The following CDH18 variants were observed in gnomAD, a reference collection of about 807,000 sequenced individuals.
CDH18 encodes the protein cadherin 18.
CDH18 carries 31 observed loss-of-function variants against 67.9 expected under a neutral mutation model. That is an observed-to-expected ratio of 0.46 (90% CI 0.34 to 0.62). The LOEUF is 0.62. Among genes scored for constraint, CDH18 ranks in the 20% least tolerant of loss-of-function variants. The pLI is 0.01. For missense variants in CDH18, 890 were observed against 975.5 expected, an observed-to-expected ratio of 0.91 and a Z score of 1.17; for synonymous variants, 362 against 347.2, an observed-to-expected ratio of 1.04 and a Z score of -0.48.
At chr5:20,305,119 G>C in intron 1 of CDH18, 1 of 1,529,306 alleles carries the variant, frequency 6.5e-7, no homozygotes. Flanking sequence ...AGAACCAAAG[G>C]CTACCTTGGG....
chr5:20,042,890 A>T (rs1263460026), intron 2 of CDH18, among the ~76,000 whole-genome samples: 1 of 151,972 alleles, frequency 6.6e-6, no homozygotes, highest in African/African-American at 2.4e-5. Flanking sequence ...TGAACCCGGG[A>T]GGCAGAGCTT....
intron 2 of CDH18, among the ~76,000 whole-genome samples, chr5:20,119,271 T>C (rs558355111): frequency 4.4e-4 from 67 of 152,314 alleles, no homozygotes; most frequent in African/African-American, 1.5e-3. Context: ...GGTAAAAATA[T>C]GGCTTTCTAT....
intron 7 of CDH18, among the ~76,000 whole-genome samples, chr5:19,573,480 G>A (rs755782040): frequency 2.0e-5 from 3 of 152,154 alleles, no homozygotes; most frequent in South Asian, 2.1e-4. Context: ...CGGTTTCACC[G>A]TGTTAGCCAG....
In CDH18 at chr5:19,811,194, AGAAG is replaced by A. The variant is rs150881407; in HGVS notation, c.228+27561_228+27564del. 2.7e-3 allele frequency among the ~76,000 whole-genome samples: 342 copies of A among 127,590 alleles called. 4 individuals carry two copies. Among genetic ancestry groups the A allele is most frequent in the African/African-American group, 7.1e-3 (234 of 33,146 alleles). The allele number at this position is 127,590 out of a possible 152,430, so 83.7% of individuals were successfully genotyped here. A position where few individuals can be genotyped will look rare whatever the true frequency, so the allele number is the denominator to read the frequency against. Reference sequence around the variant, plus strand: ...AGAAAGAGAAGAAAGAGGGAGAGAAAGAAGGAAGGAAGGAAGGAAGGAAAGAAAA... The same window carrying A: ...AGAAAGAGAAGAAAGAGGGAGAGAAAGAAGGAAGGAAGGAAGGAAAGAAAA... On this transcript the variant is annotated intron_variant, in intron 3 of 12. Transcript: ENST00000382275.
intron 5 of CDH18, among the ~76,000 whole-genome samples, chr5:19,714,778 A>G (rs900543759): frequency 1.3e-5 from 2 of 152,080 alleles, no homozygotes; most frequent in African/African-American, 2.4e-5. Context: ...CATTGACGGA[A>G]ACAATATATA....
At chr5:19,680,048 G>A (rs1171066338) in intron 5 of CDH18, among the ~76,000 whole-genome samples, 1 of 151,866 alleles carries the variant, frequency 6.6e-6, no homozygotes, top group Non-Finnish European at 1.5e-5. Flanking sequence ...TATACTAAAA[G>A]GATAAAGTAA....
chr5:20,200,766 A>G (rs1455297158), intron 2 of CDH18, among the ~76,000 whole-genome samples: 5 of 152,126 alleles, frequency 3.3e-5, no homozygotes, highest in African/African-American at 1.2e-4. Context: ...CTTTTGTGAC[A>G]TATCATGAAG....
chr5:20,522,903 G>A (rs974635204), intron 1 of CDH18, among the ~76,000 whole-genome samples: 1 of 152,080 alleles, frequency 6.6e-6, no homozygotes, highest in East Asian at 1.9e-4. Flanking sequence ...ATTATTCTGT[G>A]GAATATGATT....
intron 6 of CDH18, among the ~76,000 whole-genome samples, chr5:19,603,566 T>C (rs974013151): frequency 1.3e-5 from 2 of 151,922 alleles, no homozygotes. Flanking sequence ...TGAGAACAAC[T>C]AGTAATTGAG....
At chr5:20,107,872 G>A (rs539486090) in intron 2 of CDH18, among the ~76,000 whole-genome samples, 2 of 150,570 alleles carry the variant, frequency 1.3e-5, no homozygotes, top group African/African-American at 4.9e-5. Flanking sequence ...CTATTAACTC[G>A]TCCTTTAGCA....
rs2149995838 is a variant in CDH18, at chr5:19,584,082, T to G, written c.999+6975A>C. ...AATAGGAGCCATATAAGAAGAGACT[T>G]TGAGAAAGGCTGCTAAGGAGAAGCA... On this transcript the variant is annotated intron_variant, in intron 7 of 12. Transcript: ENST00000382275. 1.3e-5 allele frequency among the ~76,000 whole-genome samples: 2 copies of G among 152,272 alleles called. 1 individual carries two copies. The highest frequency in any genetic ancestry group is 3.9e-4 in the East Asian group (2 of 5,176).
chr5:19,927,556 T>A (rs1332055821), intron 2 of CDH18, among the ~76,000 whole-genome samples: 1 of 152,140 alleles, frequency 6.6e-6, no homozygotes, highest in Non-Finnish European at 1.5e-5. Context: ...AATAAAGATG[T>A]ATGATTCTGA....
chr5:19,708,815 T>C lies in CDH18; in HGVS notation c.643+12532A>G, dbSNP rs974775756. Reference sequence around the variant, plus strand: ...CAGTAAATATGTGGGTAAAACTCTGTTCGCAGCTCTCAGCTCTGAAGGCTG... The same window carrying C: ...CAGTAAATATGTGGGTAAAACTCTGCTCGCAGCTCTCAGCTCTGAAGGCTG... On this transcript the variant is annotated intron_variant, in intron 5 of 12. Coordinates refer to ENST00000382275, the MANE Select transcript of CDH18 (RefSeq NM_004934.5). 2.6e-5 allele frequency among the ~76,000 whole-genome samples: 4 copies of C among 152,246 alleles called. No individual in the cohort carries two copies. In the East Asian group the frequency reaches 7.7e-4, roughly 29 times the overall value.
chr5:19,561,183 A>G (rs1430651602), intron 8 of CDH18, among the ~76,000 whole-genome samples: 1 of 152,188 alleles, frequency 6.6e-6, no homozygotes, highest in Non-Finnish European at 1.5e-5. Context: ...AAAAGAAGGC[A>G]TTATACAAAA....
chr5:20,491,084 C>T (rs920347118), intron 1 of CDH18, among the ~76,000 whole-genome samples: 6 of 151,866 alleles, frequency 4.0e-5, no homozygotes, highest in Non-Finnish European at 5.9e-5. Context: ...TAAAAGCATA[C>T]ATTATATTTT....
chr5:20,402,389 T>C (rs992464412), intron 1 of CDH18, among the ~76,000 whole-genome samples: 1 of 152,192 alleles, frequency 6.6e-6, no homozygotes, highest in Non-Finnish European at 1.5e-5. Context: ...CCAATGCTTG[T>C]GAAATATGTG....
chr5:19,489,469 A>G (rs558775008), intron 11 of CDH18, among the ~76,000 whole-genome samples: 17 of 151,834 alleles, frequency 1.1e-4, no homozygotes, highest in East Asian at 5.8e-4. Context: ...GGCTGGTCTC[A>G]AACTCCTGAC....
chr5:20,395,176 A>T (rs1219805402), intron 1 of CDH18, among the ~76,000 whole-genome samples: 1 of 152,182 alleles, frequency 6.6e-6, no homozygotes, highest in Admixed American at 6.5e-5. Flanking sequence ...AAGTACAAAA[A>T]CATGCAACCA....
chr5:20,370,100 T>C (rs1742855331), intron 1 of CDH18, among the ~76,000 whole-genome samples: 1 of 152,152 alleles, frequency 6.6e-6, no homozygotes. Context: ...CTACCATCTC[T>C]TTTAAAAATA....
Sources: gnomAD v4.1 joint callset for allele counts (sites outside exome capture counted in the v4.1 genomes callset) on GRCh38, gnomAD v4.1.1 for gene constraint, MANE v1.5 for transcripts, NCBI Gene and HGNC (gene_info 2026-07-23, HGNC 2026-07-21) for gene names.